TRAK1: variants seen among roughly 807,000 people sequenced by gnomAD.
TRAK1 encodes the protein trafficking kinesin-binding protein 1.
TRAK1 carries 33 observed loss-of-function variants against 92.1 expected under a neutral mutation model. The observed-to-expected ratio is 0.36, with a 90% confidence interval of 0.27 to 0.48. The LOEUF is 0.48. Ranked by LOEUF, TRAK1 falls within the 20% of genes least tolerant of loss-of-function variation. The probability of loss-of-function intolerance (pLI) is 0.99; values close to 1 mark genes in which losing one functional copy is unlikely to be tolerated. For synonymous variants in TRAK1, 521 were observed against 517.3 expected, an observed-to-expected ratio of 1.01 and a Z score of -0.10; for missense variants, 1,123 against 1,257.9, an observed-to-expected ratio of 0.89 and a Z score of 1.62.
intron 4 of TRAK1, among the ~76,000 whole-genome samples, chr3:42,187,653 G>T (rs1461590589): frequency 6.6e-6 from 1 of 151,982 alleles, no homozygotes; most frequent in Non-Finnish European, 1.5e-5. Context: ...TTTTAGTAGA[G>T]ACGGGGTTTC....
intron 1 of TRAK1, among the ~76,000 whole-genome samples, chr3:42,078,000 T>C (rs371017051): frequency 3.7e-4 from 57 of 152,280 alleles, no homozygotes; most frequent in African/African-American, 1.2e-3. Context: ...GACAAGTGGG[T>C]GGTGGCACCA....
chr3:42,173,972 G>T (rs2149352527), intron 2 of TRAK1, among the ~76,000 whole-genome samples: 1 of 152,228 alleles, frequency 6.6e-6, no homozygotes, highest in Admixed American at 6.5e-5. Context: ...TTAGTTTTCT[G>T]TTGTAAAATG....
intron 1 of TRAK1, among the ~76,000 whole-genome samples, chr3:42,028,189 G>A (rs187185509): frequency 2.1e-4 from 32 of 152,304 alleles, no homozygotes; most frequent in African/African-American, 7.2e-4. Flanking sequence ...TACAGGTGCC[G>A]GAACACCAGG....
rs1263319382 is a variant in TRAK1 at position 42,223,790 on chromosome 3, C to T, written c.*53C>T. 2 of 1,543,320 alleles carry T rather than the reference C, an allele frequency of 1.3e-6. No individual in the cohort carries two copies. The highest frequency in any genetic ancestry group is 1.8e-6 in the Non-Finnish European group (2 of 1,136,332). ...AGGAGACCCACGTTCTCCTCTCTTG[C>T]TCCCACCTCCCTCTCTTCCCCCCAC... On this transcript the variant is annotated 3_prime_UTR_variant, in exon 16 of 16. Coordinates refer to ENST00000327628, the MANE Select transcript of TRAK1 (RefSeq NM_001042646.3). This position sits in a 1 kb window ranked among gnomAD's most constrained non-coding sequence, Gnocchi z 6.1.
chr3:42,123,201 G>A (rs775276155), intron 1 of TRAK1, among the ~76,000 whole-genome samples: 1 of 152,206 alleles, frequency 6.6e-6, no homozygotes, highest in Non-Finnish European at 1.5e-5. Context: ...TCACGAATCC[G>A]TATTTTTTTC....
chr3:42,168,134 A>G (rs1215425466), intron 2 of TRAK1, among the ~76,000 whole-genome samples: 1 of 152,164 alleles, frequency 6.6e-6, no homozygotes, highest in Non-Finnish European at 1.5e-5. Flanking sequence ...ATCTGACTAA[A>G]TTTTATTTAA....
chr3:42,138,020 C>G (rs1273732904), intron 2 of TRAK1, among the ~76,000 whole-genome samples: 1 of 114,466 alleles, frequency 8.7e-6, no homozygotes, highest in East Asian at 2.4e-4. Context: ...ATGACCATTT[C>G]TTAATTTGAG....
intron 1 of TRAK1, among the ~76,000 whole-genome samples, chr3:42,080,343 GC>G (rs143966578): frequency 3.3e-5 from 5 of 152,278 alleles, no homozygotes; most frequent in African/African-American, 1.2e-4. Context: ...CCCAGGCTCA[GC>G]TTCCATGTAT....
chr3:42,092,921 A>C (rs780235976), intron 1 of TRAK1, among the ~76,000 whole-genome samples: 2 of 152,132 alleles, frequency 1.3e-5, no homozygotes, highest in Non-Finnish European at 2.9e-5. Context: ...GATTTAAGCC[A>C]TAAAACTTGA....
chr3:42,190,837 C>T (rs1324746408), intron 6 of TRAK1, among the ~76,000 whole-genome samples: 1 of 151,810 alleles, frequency 6.6e-6, no homozygotes, highest in Non-Finnish European at 1.5e-5. Context: ...CTGTCACCCA[C>T]GCTGGAGTAC....
At chr3:42,035,429 A>G (rs1392146111) in intron 1 of TRAK1, among the ~76,000 whole-genome samples, 2 of 151,964 alleles carry the variant, frequency 1.3e-5, no homozygotes, top group Non-Finnish European at 2.9e-5. Flanking sequence ...CCGCACCTCC[A>G]TCGTAGCCTG....
intron 10 of TRAK1, among the ~76,000 whole-genome samples, chr3:42,198,514 C>T (rs1382143161): frequency 2.0e-5 from 3 of 152,154 alleles, no homozygotes; most frequent in Non-Finnish European, 1.5e-5. Flanking sequence ...AGAGGAACTT[C>T]CCTTGCAGGA....
intron 1 of TRAK1, among the ~76,000 whole-genome samples, chr3:42,039,239 C>CA (rs1288227304): frequency 1.3e-5 from 2 of 152,124 alleles, no homozygotes; most frequent in Non-Finnish European, 2.9e-5. Context: ...AAGTGTTGCC[C>CA]ATGTTGTAGC....
intron 1 of TRAK1, among the ~76,000 whole-genome samples, chr3:42,075,055 C>T (rs948521005): frequency 6.6e-5 from 10 of 152,052 alleles, no homozygotes; most frequent in African/African-American, 2.2e-4. Context: ...TTTATGGCTG[C>T]GTAGCATTCT....
At chr3:42,152,267 T>TGG (rs1700046409) in intron 2 of TRAK1, among the ~76,000 whole-genome samples, 1 of 152,120 alleles carries the variant, frequency 6.6e-6, no homozygotes. Flanking sequence ...TAATAAGACA[T>TGG]GGGAGGGGTT....
chr3:42,037,077 C>G (rs1702354176), intron 1 of TRAK1, among the ~76,000 whole-genome samples: 1 of 152,156 alleles, frequency 6.6e-6, no homozygotes, highest in Non-Finnish European at 1.5e-5. Context: ...ATCTTCCCAC[C>G]TTGGCCTCCC....
At chr3:42,096,240 AATTTTATTT>A (rs1468533091) in intron 1 of TRAK1, among the ~76,000 whole-genome samples, 2 of 152,140 alleles carry the variant, frequency 1.3e-5, no homozygotes, top group Non-Finnish European at 2.9e-5. Context: ...TTAAAAACAT[AATTTTATTT>A]ATTTTATTTC....
rs541839660 is a variant in TRAK1, at chr3:42,165,552, C to T, written c.287-11262C>T. ...GGGGAATAACTGGATCCAGGAGTGCCGTGTCTTGGAGGTGGTTGTGATGCG... is the reference window on the plus strand; with the variant it reads ...GGGGAATAACTGGATCCAGGAGTGCTGTGTCTTGGAGGTGGTTGTGATGCG... On this transcript the variant is annotated intron_variant, in intron 2 of 15. Transcript: ENST00000327628. Among the ~76,000 whole-genome samples, 56 of 152,144 alleles carry T rather than the reference C, an allele frequency of 3.7e-4. No homozygotes were observed. In the South Asian group the frequency reaches 0.01, roughly 28 times the overall value.
chr3:42,021,774 C>G (rs1701728664), intron 1 of TRAK1, among the ~76,000 whole-genome samples: 1 of 152,086 alleles, frequency 6.6e-6, no homozygotes. Context: ...ACGGGTTTTA[C>G]TGTGTTGGCC....
Sources: gnomAD v4.1 joint callset for allele counts (sites outside exome capture counted in the v4.1 genomes callset) on GRCh38, gnomAD v4.1.1 for gene constraint, Gnocchi (gnomAD v3.1) non-coding constraint, MANE v1.5 for transcripts, NCBI Gene and HGNC (gene_info 2026-07-23, HGNC 2026-07-21) for gene names.